LHFPL1: variants seen among roughly 807,000 people sequenced by gnomAD.
LHFPL1 encodes LHFPL tetraspan subfamily member 1 protein.
LHFPL1 carries 4 observed loss-of-function variants against 12.1 expected under a neutral mutation model. That is an observed-to-expected ratio of 0.33 (90% CI 0.16 to 0.76). The LOEUF (loss-of-function observed/expected upper bound fraction) is 0.76, where lower values mean the gene tolerates loss of function less well. Ranked by LOEUF, LHFPL1 falls within the 30% of genes least tolerant of loss-of-function variation. The pLI is 0.61. For missense variants in LHFPL1, 141 were observed against 174.1 expected (o/e 0.81, Z 1.07); for synonymous variants, 52 against 61.9 (o/e 0.84, Z 0.75).
Position 112,669,172 on chromosome X carries a change from C to A in LHFPL1, c.382+1837G>T, listed in dbSNP as rs181365595. Among the ~76,000 whole-genome samples the A allele has an allele frequency of 1.8e-4, 20 of 112,790 alleles. No homozygotes were observed. The Admixed American group carries it at 1.9e-3, about 11-fold the overall frequency. On this transcript the variant is annotated intron_variant, in intron 2 of 3. Transcript: ENST00000371968. ...ACATCTGCTTTGTGCCAGCCAGGCA[C>A]GGAACTGGGCTCCAGGGCTATAAAT...
intron 2 of LHFPL1, among the ~76,000 whole-genome samples, chrX:112,661,187 C>T (rs756981491): frequency 2.1e-4 from 23 of 110,966 alleles, no homozygotes; most frequent in Non-Finnish European, 4.3e-4. Context: ...GCTGCTGGAC[C>T]GATGAGCAGG....
At chrX:112,668,140 G>T (rs961278602) in intron 2 of LHFPL1, among the ~76,000 whole-genome samples, 1 of 111,779 alleles carries the variant, frequency 8.9e-6, no homozygotes, top group Non-Finnish European at 1.9e-5. Flanking sequence ...ACACAAGTTT[G>T]AACTTAATCC....
intron 2 of LHFPL1, among the ~76,000 whole-genome samples, chrX:112,664,257 G>T (rs1316457446): frequency 4.5e-5 from 5 of 111,966 alleles, no homozygotes; most frequent in African/African-American, 1.3e-4. Context: ...GGTGTTCCAA[G>T]AATTAATATA....
rs184277056 is a variant in LHFPL1 at position 112,668,110 on chromosome X, A to G, written c.382+2899T>C. On this transcript the variant is annotated intron_variant, in intron 2 of 3. Coordinates refer to ENST00000371968, the MANE Select transcript of LHFPL1 (RefSeq NM_178175.4). ...AAGAAGCAGCCAGACCTGAAGCAACAAAATCAATTCCCCTCAGCTACACAA... is the reference window on the plus strand; with the variant it reads ...AAGAAGCAGCCAGACCTGAAGCAACGAAATCAATTCCCCTCAGCTACACAA... 8.9e-5 allele frequency among the ~76,000 whole-genome samples: 10 copies of G among 111,834 alleles called. No individual in the cohort carries two copies. The Admixed American group carries it at 9.4e-4, about 11-fold the overall frequency.
At chrX:112,631,783 T>G (rs1337075704) in intron 3 of LHFPL1, among the ~76,000 whole-genome samples, 182 bp from the exon 4 acceptor site, 1 of 112,148 alleles carries the variant, frequency 8.9e-6, no homozygotes. Flanking sequence ...TCTTTCCTTC[T>G]GTGCTGACTG....
At chrX:112,650,185 C>T (rs923774548) in intron 3 of LHFPL1, among the ~76,000 whole-genome samples, 8 of 105,687 alleles carry the variant, frequency 7.6e-5, no homozygotes, top group Non-Finnish European at 1.5e-4. Context: ...CTTTATAATA[C>T]AGTAGAAAAA....
rs1931500360 is a variant in LHFPL1 at position 112,671,383 on chromosome X, C to T, written c.8G>A (p.Ser3Asn). 1 of 1,210,237 alleles carries T rather than the reference C, an allele frequency of 8.3e-7. No homozygotes were observed. The highest frequency in any genetic ancestry group is 1.1e-6 in the Non-Finnish European group (1 of 895,297). MRSSLTMVGTLWA... is the reference protein window; with the variant it reads MRNSLTMVGTLWA... ...GAGGGTTCCCACCATGGTCAGGCTGCTCCTCATGGTCACAGGTTTCTCTGC... is the reference window on the plus strand; with the variant it reads ...GAGGGTTCCCACCATGGTCAGGCTGTTCCTCATGGTCACAGGTTTCTCTGC... Residue 3 changes from serine (S) to asparagine (N), a missense_variant, in exon 2 of 4, where the codon AGC (serine) becomes AAC (asparagine). Physicochemically the swap from Ser to Asn is conservative, Grantham distance 46 (BLOSUM62 1). Coordinates refer to ENST00000371968, the MANE Select transcript of LHFPL1 (RefSeq NM_178175.4).
chrX:112,633,130 C>G (rs757228911), intron 3 of LHFPL1, among the ~76,000 whole-genome samples: 12 of 112,164 alleles, frequency 1.1e-4, no homozygotes, highest in African/African-American at 3.6e-4. Flanking sequence ...GCCCTTTCCT[C>G]TCTTCCAGAT....
chrX:112,663,317 A>T (rs771264799), intron 2 of LHFPL1, among the ~76,000 whole-genome samples: 1 of 112,293 alleles, frequency 8.9e-6, no homozygotes, highest in Non-Finnish European at 1.9e-5. Flanking sequence ...CCTTGAAGGC[A>T]GGAGACATAC....
At chrX:112,637,418 A>G (rs966539952) in intron 3 of LHFPL1, among the ~76,000 whole-genome samples, 7 of 111,556 alleles carry the variant, frequency 6.3e-5, no homozygotes, top group African/African-American at 2.3e-4. Flanking sequence ...ATGATGAGCT[A>G]TGGGGAGTTA....
intron 3 of LHFPL1, among the ~76,000 whole-genome samples, chrX:112,650,150 C>A (rs1217064627): frequency 9.1e-6 from 1 of 110,163 alleles, no homozygotes; most frequent in Non-Finnish European, 1.9e-5. Context: ...CTTGAAATAT[C>A]TGTTCAGGGT....
intron 3 of LHFPL1, among the ~76,000 whole-genome samples, chrX:112,646,455 T>A (rs1329815889): frequency 9.2e-6 from 1 of 109,247 alleles, no homozygotes; most frequent in Non-Finnish European, 1.9e-5. Flanking sequence ...ATCCTCCCTA[T>A]CCCCCAAACA....
chrX:112,655,490 A>T (rs778092699), intron 3 of LHFPL1, among the ~76,000 whole-genome samples: 2 of 112,101 alleles, frequency 1.8e-5, no homozygotes, highest in Non-Finnish European at 3.8e-5. Context: ...CATGAATGTG[A>T]TCTCTTCATA....
At chrX:112,633,572 A>C (rs1930253973) in intron 3 of LHFPL1, among the ~76,000 whole-genome samples, 1 of 111,881 alleles carries the variant, frequency 8.9e-6, no homozygotes, top group Non-Finnish European at 1.9e-5. Flanking sequence ...AGAGGCTCTC[A>C]CAATACCATG....
intron 3 of LHFPL1, among the ~76,000 whole-genome samples, chrX:112,635,131 T>C (rs1347717137): frequency 2.7e-5 from 3 of 111,986 alleles, no homozygotes; most frequent in Non-Finnish European, 5.6e-5. Flanking sequence ...TGAGTTGCCA[T>C]ATTTTGCCTC....
At chrX:112,634,405 C>G (rs962685262) in intron 3 of LHFPL1, among the ~76,000 whole-genome samples, 1 of 111,422 alleles carries the variant, frequency 9.0e-6, no homozygotes, top group African/African-American at 3.3e-5. Context: ...CAGACAGGAG[C>G]CAGCTCTGAG....
intron 3 of LHFPL1, among the ~76,000 whole-genome samples, chrX:112,641,587 T>C (rs902589161): frequency 8.9e-6 from 1 of 112,295 alleles, no homozygotes. Flanking sequence ...TGATACCACC[T>C]ATCTCACAGA....
chrX:112,640,584 C>T (rs1051492390), intron 3 of LHFPL1, among the ~76,000 whole-genome samples: 5 of 111,688 alleles, frequency 4.5e-5, no homozygotes, highest in Non-Finnish European at 7.5e-5. Context: ...AGTTTGTCCA[C>T]AGGATGGGAG....
chrX:112,654,182 T>C (rs1332619473), intron 3 of LHFPL1, among the ~76,000 whole-genome samples: 9 of 112,333 alleles, frequency 8.0e-5, no homozygotes, highest in Non-Finnish European at 1.5e-4. Context: ...AGTTGTTCCC[T>C]GAAATATGTT....
Sources: gnomAD v4.1 joint callset for allele counts (sites outside exome capture counted in the v4.1 genomes callset) on GRCh38, gnomAD v4.1.1 for gene constraint, MANE v1.5 for transcripts, NCBI Gene and HGNC (gene_info 2026-07-23, HGNC 2026-07-21) for gene names.